RBM23: variants seen among roughly 807,000 people sequenced by gnomAD.
RBM23 encodes the protein probable RNA-binding protein 23.
A neutral mutation model predicts 56.2 loss-of-function variants in RBM23; 53 were observed. The observed-to-expected ratio is 0.94, with a 90% confidence interval of 0.76 to 1.19. The LOEUF is 1.19. Among genes scored for constraint, RBM23 ranks in the 50% most tolerant of loss-of-function variants. The pLI is 0.00. For missense variants in RBM23, 642 were observed against 590.3 expected (o/e 1.09, Z -0.91); for synonymous variants, 197 against 198.5 (o/e 0.99, Z 0.06).
chr14:22,899,916 C>A lies in RBM23; in HGVS notation c.*1814G>T, dbSNP rs1407726501. 1 of 152,132 alleles carries A rather than the reference C, an allele frequency of 6.6e-6. No individual in the cohort carries two copies. The highest frequency in any genetic ancestry group is 1.9e-4 in the East Asian group (1 of 5,202). 9.4% of individuals were successfully genotyped at this position (152,132 alleles called of 1,614,324 possible). ...ATAAGAAAGTCTTAGCATTTTGTTG[C>A]CATAGAGATCAAAAAAGGAGCCCCA... On this transcript the variant is annotated 3_prime_UTR_variant, in exon 14 of 14. Transcript: ENST00000359890.
At chr14:22,905,708 A>G (rs766270791) in intron 5 of RBM23, 49 bp from the exon 6 acceptor site, 5 of 1,404,188 alleles carry the variant, frequency 3.6e-6, no homozygotes, top group Non-Finnish European at 5.0e-6. Flanking sequence ...TCATTGGTCC[A>G]ATGCTGGGTC....
Position 22,904,972 on chromosome 14 carries a change from T to G in RBM23, c.767A>C (p.Gln256Pro). ...NRLAAMANNL[Q>P]KGNGGPMRLY... Reference sequence around the variant, plus strand: ...GCGCATTGGTCCACCATTGCCCTTTTGCAGGTTGTTGGCCATGGCTGCCAG... The same window carrying G: ...GCGCATTGGTCCACCATTGCCCTTTGGCAGGTTGTTGGCCATGGCTGCCAG... Residue 256 changes from glutamine (Q) to proline (P), a missense_variant, in exon 9 of 14, where the codon CAA becomes CCA. Physicochemically the swap from Gln to Pro is moderately conservative, Grantham distance 76 (BLOSUM62 -1). Coordinates refer to ENST00000359890, the MANE Select transcript of RBM23 (RefSeq NM_001077351.2). The G allele has an allele frequency of 1.2e-6, 2 of 1,614,242 alleles. No individual in the cohort carries two copies. Among genetic ancestry groups the G allele is most frequent in the Non-Finnish European group, 1.7e-6 (2 of 1,180,040 alleles).
In RBM23 at chr14:22,905,145, C is replaced by T. The variant is rs756057545; in HGVS notation, c.675G>A (p.Gly225=). The T allele has an allele frequency of 1.2e-6, 2 of 1,614,156 alleles. No individual in the cohort carries two copies. Among genetic ancestry groups the T allele is most frequent in the East Asian group, 2.2e-5 (1 of 44,884 alleles). The stretch of plus-strand genomic sequence containing the variant: ...CTCCCAGCAACCGCTGCCCAGTCAG[C>T]CCAATGGCCAGTGGCACAGACTGGA... The part of the protein sequence containing the change: ...CEIQSVPLAI[G]LTGQRLLGVP... Residue 225 remains glycine (G), a synonymous_variant, in exon 8 of 14, where the codon GGG becomes GGA. Coordinates refer to ENST00000359890, the MANE Select transcript of RBM23 (RefSeq NM_001077351.2).
intron 10 of RBM23, chr14:22,903,893 CCT>C: frequency 8.5e-7 from 1 of 1,180,060 alleles, no homozygotes; most frequent in Non-Finnish European, 1.1e-6. Context: ...TATTCCCATC[CCT>C]GTTATGAGAA....
rs1048017959 is a variant in RBM23 at position 22,908,530 on chromosome 14, T to C, written c.180-150A>G. The C allele has an allele frequency of 2.2e-5, 17 of 759,436 alleles. No individual in the cohort carries two copies. The African/African-American group carries it at 3.1e-4, about 14-fold the overall frequency. The allele number at this position is 759,436 out of a possible 1,614,324, so 47.0% of individuals were successfully genotyped here. A position where few individuals can be genotyped will look rare whatever the true frequency, so the allele number is the denominator to read the frequency against. On this transcript the variant is annotated intron_variant, in intron 3 of 13. Transcript: ENST00000359890. ...GCCTTAGCCTCCTGAGTAGCTGGGA[T>C]TACAGGCATGTACCATCATGCCCAG...
At chr14:22,916,584 A>C (rs955541716) in intron 1 of RBM23, among the ~76,000 whole-genome samples, 5 of 151,940 alleles carry the variant, frequency 3.3e-5, no homozygotes, top group Non-Finnish European at 7.4e-5. Flanking sequence ...TTGATCAGAA[A>C]GGTTTTCTGA....
At chr14:22,906,060 C>A in intron 5 of RBM23, 135 bp downstream of exon 5, 1 of 1,108,414 alleles carries the variant, frequency 9.0e-7, no homozygotes, top group Non-Finnish European at 1.3e-6. Flanking sequence ...ATTTTGAATA[C>A]CAACCCTTTC....
intron 12 of RBM23, 25 bp from the exon 13 acceptor site, chr14:22,901,908 G>C (rs1377730081): frequency 1.2e-6 from 2 of 1,614,068 alleles, no homozygotes; most frequent in African/African-American, 2.7e-5. Flanking sequence ...GGCAGAGTGA[G>C]TGAGCAAGCA....
chr14:22,904,152 A>G (rs1450779749), intron 10 of RBM23, 109 bp downstream of exon 10: 36 of 1,589,964 alleles, frequency 2.3e-5, no homozygotes, highest in Non-Finnish European at 2.9e-5. Context: ...ACCAGGGTTT[A>G]TGGGTCATTT....
At position 22,894,112 on chromosome 14, in the gene RBM23, T is replaced by A. The variant is rs1236852344; in HGVS notation, c.*7618A>T. The A allele has an allele frequency of 2.0e-5, 3 of 152,228 alleles. No homozygotes were observed. Among genetic ancestry groups the A allele is most frequent in the Non-Finnish European group, 4.4e-5 (3 of 68,048 alleles). The allele number at this position is 152,228 out of a possible 1,614,324, so 9.4% of individuals were successfully genotyped here. On this transcript the variant is annotated 3_prime_UTR_variant, in exon 14 of 14. Transcript: ENST00000359890. Reference sequence around the variant, plus strand: ...GATCTTTGTAATTTCTCAAGCATTATACAGAGAAGCGGTGGAAGTAGTAAT... The same window carrying A: ...GATCTTTGTAATTTCTCAAGCATTAAACAGAGAAGCGGTGGAAGTAGTAAT...
At chr14:22,902,429 G>A (rs1270896660) in intron 10 of RBM23, 47 bp from the exon 11 acceptor site, 2 of 1,589,490 alleles carry the variant, frequency 1.3e-6, no homozygotes, top group Non-Finnish European at 8.6e-7. Flanking sequence ...CCAAAGACAT[G>A]CTCTCAAAGA....
rs909061536 is a variant in RBM23 at position 22,906,304 on chromosome 14, A to G, written c.292T>C (p.Cys98Arg). 1 of 1,614,126 alleles carries G rather than the reference A, an allele frequency of 6.2e-7. No individual in the cohort carries two copies. Among genetic ancestry groups the G allele is most frequent in the African/African-American group, 1.3e-5 (1 of 74,946 alleles). Residue 98 changes from cysteine to arginine, a missense_variant, in exon 5 of 14, where the codon TGT becomes CGT. Transcript: ENST00000359890. ...NSRSRSPGRQ[C>R]RHRSRSWDRR... ...TCCCAGCTACGGCTACGGTGACGAC[A>G]CTGCCGACCTGGACTTCGGCTCCGA...
intron 2 of RBM23, among the ~76,000 whole-genome samples, chr14:22,911,038 G>C (rs962664821): frequency 6.6e-6 from 1 of 152,124 alleles, no homozygotes; most frequent in Non-Finnish European, 1.5e-5. Flanking sequence ...ATTGGTGCTA[G>C]GTCTGAGGTA....
At position 22,902,238 on chromosome 14, in the gene RBM23, C is replaced by A; in HGVS notation, c.1075G>T (p.Asp359Tyr). ...AAACGTCCACCTGCTGATCCCAGAT[C>A]CAGCTCCTGGTCCCCATCAGGAAAA... ...ITFPDGDQEL[D>Y]LGSAGGRFQL... is the part of the protein sequence containing the mutation. The change falls in exon 11 of 14, where the codon GAT (aspartate) becomes TAT (tyrosine). Residue 359 changes from aspartate to tyrosine, a missense_variant. Physicochemically the swap from Asp to Tyr is radical, Grantham distance 160. Coordinates refer to ENST00000359890, the MANE Select transcript of RBM23 (RefSeq NM_001077351.2). The A allele has an allele frequency of 1.2e-6, 2 of 1,614,238 alleles. No individual in the cohort carries two copies. Among genetic ancestry groups the A allele is most frequent in the Non-Finnish European group, 1.7e-6 (2 of 1,180,044 alleles).
intron 1 of RBM23, chr14:22,917,174 G>A (rs559157727): frequency 3.9e-5 from 6 of 152,028 alleles, no homozygotes; most frequent in Admixed American, 1.3e-4. Flanking sequence ...GGCCTAAAAA[G>A]AAAAGTTTTT....
intron 1 of RBM23, among the ~76,000 whole-genome samples, chr14:22,918,716 C>T (rs1168532869): frequency 6.6e-6 from 1 of 152,142 alleles, no homozygotes; most frequent in African/African-American, 2.4e-5. Context: ...AGTGTCACGG[C>T]TGCAGAGACC....
chr14:22,905,235 T>A lies in RBM23; in HGVS notation c.585A>T (p.Val195=), dbSNP rs1465127367. Residue 195 remains valine, a synonymous_variant, in exon 8 of 14, where the codon GTA becomes GTT. Transcript: ENST00000359890. ...GTGAGTTCCGATCTGAGATGATACG[T>A]ACATCGCGAACCTATCCAGGACGCA... ...FFSAVGKVRD[V]RIISDRNSRR... 6.2e-7 allele frequency: 1 copy of A among 1,614,016 alleles called. No individual in the cohort carries two copies. Among genetic ancestry groups the A allele is most frequent in the Non-Finnish European group, 8.5e-7 (1 of 1,180,038 alleles).
rs1242629 is a variant in RBM23 at position 22,900,336 on chromosome 14, C to T, written c.*1394G>A. The T allele has an allele frequency of 2.7e-5, 4 of 150,476 alleles. No individual in the cohort carries two copies. The highest frequency in any genetic ancestry group is 9.8e-5 in the African/African-American group (4 of 40,956). The allele number at this position is 150,476 out of a possible 1,614,324, so 9.3% of individuals were successfully genotyped here. A position where few individuals can be genotyped will look rare whatever the true frequency, so the allele number is the denominator to read the frequency against. ...TAACTCTTCAAGATCACAACCCCCC[C>T]CCCTCCCCGCCCCGCCCCACTAGAA... On this transcript the variant is annotated 3_prime_UTR_variant, in exon 14 of 14. Coordinates refer to ENST00000359890, the MANE Select transcript of RBM23 (RefSeq NM_001077351.2).
Position 22,904,968 on chromosome 14 carries a change from CTT to C in RBM23, c.769_770del (p.Lys257GlyfsTer19). 1 of 1,614,220 alleles carries C rather than the reference CTT, an allele frequency of 6.2e-7. No homozygotes were observed. Among genetic ancestry groups the C allele is most frequent in the East Asian group, 2.2e-5 (1 of 44,896 alleles). On this transcript the variant is annotated frameshift_variant, in exon 9 of 14. Coordinates refer to ENST00000359890, the MANE Select transcript of RBM23 (RefSeq NM_001077351.2). LOFTEE classifies it high-confidence loss of function. ...AGAGGCGCATTGGTCCACCATTGCCCTTTTGCAGGTTGTTGGCCATGGCTGCC... is the reference window on the plus strand; with the variant it reads ...AGAGGCGCATTGGTCCACCATTGCCCTTGCAGGTTGTTGGCCATGGCTGCC... ...RLAAMANNLQ[K>X]GNGGPMRLYV...
Sources: allele counts gnomAD v4.1 joint callset (sites outside exome capture counted in the v4.1 genomes callset), GRCh38; gene constraint gnomAD v4.1.1; transcripts MANE v1.5; gene names NCBI Gene and HGNC (gene_info 2026-07-23, HGNC 2026-07-21).